Variants in KYNU observed in about 807,000 individuals in gnomAD.
The protein encoded by KYNU is L-kynurenine hydrolase.
Under a neutral mutation model 59.2 loss-of-function variants are expected in KYNU, and 54 were observed. The ratio of observed to expected loss-of-function variants is 0.91; its 90% CI spans 0.73 to 1.14. KYNU has a LOEUF of 1.14. Among genes scored for constraint, KYNU ranks in the 50% most tolerant of loss-of-function variants. The probability of loss-of-function intolerance (pLI) is 0.00; values close to 1 mark genes in which losing one functional copy is unlikely to be tolerated. For synonymous variants in KYNU, 177 were observed against 192.0 expected (o/e 0.92, Z 0.65); for missense variants, 567 against 554.4 (o/e 1.02, Z -0.23).
chr2:143,004,308 C>G (rs1685802821), intron 10 of KYNU, among the ~76,000 whole-genome samples: 1 of 152,204 alleles, frequency 6.6e-6, no homozygotes, highest in African/African-American at 2.4e-5. Context: ...CAGCTCTCTA[C>G]TGGTAGAAAG....
chr2:142,895,710 G>C (rs569988596), intron 2 of KYNU, among the ~76,000 whole-genome samples: 3 of 151,776 alleles, frequency 2.0e-5, no homozygotes, highest in African/African-American at 7.3e-5. Flanking sequence ...TTTTAGAAAA[G>C]GTCTTGCCCT....
At chr2:142,947,022 T>C (rs913694387) in intron 4 of KYNU, 3 of 1,542,308 alleles carry the variant, frequency 1.9e-6, no homozygotes, top group Non-Finnish European at 2.6e-6. Flanking sequence ...CATGGTACCC[T>C]TTTGTGGGCT....
At chr2:142,958,138 TTTTC>T (rs1684228758) in intron 7 of KYNU, 1 of 205,534 alleles carries the variant, frequency 4.9e-6, no homozygotes, top group African/African-American at 2.4e-5. Flanking sequence ...GTATCAAACA[TTTTC>T]TTTGTGTTTA....
Position 143,040,905 on chromosome 2 carries a change from T to C in KYNU, c.1272+247T>C, listed in dbSNP as rs1310016532. On this transcript the variant is annotated intron_variant, in intron 13 of 13. Transcript: ENST00000264170. ...GAATAGTTTTTTGTAACTTACTCATTCTTTTCATAACAGTTTGGGCAGAAA... is the reference window on the plus strand; with the variant it reads ...GAATAGTTTTTTGTAACTTACTCATCCTTTTCATAACAGTTTGGGCAGAAA... Among the ~76,000 whole-genome samples, 4 of 152,216 alleles carry C rather than the reference T, an allele frequency of 2.6e-5. No individual in the cohort carries two copies. In the South Asian group the frequency reaches 8.3e-4, roughly 32 times the overall value.
At chr2:142,978,499 T>G (rs1684953144) in intron 8 of KYNU, among the ~76,000 whole-genome samples, 1 of 152,144 alleles carries the variant, frequency 6.6e-6, no homozygotes, top group Non-Finnish European at 1.5e-5. Context: ...CATTAGCCTA[T>G]TAGAAGGTAC....
At chr2:142,925,868 C>T (rs1412515007) in intron 3 of KYNU, among the ~76,000 whole-genome samples, 1 of 152,216 alleles carries the variant, frequency 6.6e-6, no homozygotes, top group Non-Finnish European at 1.5e-5. Flanking sequence ...ACAAAAAGCA[C>T]ATTTTCATTC....
intron 4 of KYNU, among the ~76,000 whole-genome samples, chr2:142,954,269 G>C (rs1684090687): frequency 6.6e-6 from 1 of 152,008 alleles, no homozygotes; most frequent in Non-Finnish European, 1.5e-5. Context: ...CAGTGTGTAT[G>C]AATAAATGTC....
intron 10 of KYNU, chr2:142,989,454 A>G: frequency 1.0e-6 from 1 of 984,940 alleles, no homozygotes. Flanking sequence ...TTGATGTCAC[A>G]CTTTGTGAAG....
chr2:142,966,356 C>T (rs1243046330), intron 8 of KYNU, among the ~76,000 whole-genome samples: 1 of 152,154 alleles, frequency 6.6e-6, no homozygotes, highest in Non-Finnish European at 1.5e-5. Context: ...GTGTCCACAG[C>T]CTCTGTCTGG....
chr2:142,936,223 A>C (rs1189908655), intron 4 of KYNU, among the ~76,000 whole-genome samples: 2 of 152,240 alleles, frequency 1.3e-5, no homozygotes, highest in African/African-American at 4.8e-5. Context: ...CTGGACATAC[A>C]GAATTTCTCC....
chr2:142,983,400 C>T (rs1685104384), intron 8 of KYNU, among the ~76,000 whole-genome samples: 1 of 152,042 alleles, frequency 6.6e-6, no homozygotes. Flanking sequence ...TGGCTGATCC[C>T]AGTGGCTGAA....
At chr2:142,994,209 G>A (rs1685476705) in intron 10 of KYNU, among the ~76,000 whole-genome samples, 1 of 151,928 alleles carries the variant, frequency 6.6e-6, no homozygotes, top group Non-Finnish European at 1.5e-5. Context: ...GAAGTTTGTT[G>A]TAATAATCCA....
At chr2:142,934,933 T>A (rs1683337785) in intron 4 of KYNU, among the ~76,000 whole-genome samples, 1 of 152,198 alleles carries the variant, frequency 6.6e-6, no homozygotes, top group East Asian at 1.9e-4. Flanking sequence ...ATTGCCACAC[T>A]TGAAACAGGC....
chr2:143,020,654 T>C (rs578057899), intron 10 of KYNU, among the ~76,000 whole-genome samples: 1 of 152,308 alleles, frequency 6.6e-6, no homozygotes, highest in East Asian at 1.9e-4. Context: ...TTTGGTAGAC[T>C]ATAGTTTAAC....
rs550393129 is a variant in KYNU at position 143,052,203 on chromosome 2, T to G, written c.*10031T>G. ...GGGTATCTGGAGGAAGAAATTTTTA[T>G]GCAGCAAAGCATTCAAGAGGTGACT... On this transcript the variant is annotated 3_prime_UTR_variant, in exon 14 of 14. Coordinates refer to ENST00000264170, the MANE Select transcript of KYNU (RefSeq NM_003937.3). 2.0e-5 allele frequency: 3 copies of G among 152,642 alleles called. No homozygotes were observed. The highest frequency in any genetic ancestry group is 2.9e-5 in the Non-Finnish European group (2 of 68,312). The allele number at this position is 152,642 out of a possible 1,614,324, so 9.5% of individuals were successfully genotyped here. A position where few individuals can be genotyped will look rare whatever the true frequency, so the allele number is the denominator to read the frequency against.
chr2:143,029,613 T>G lies in KYNU; in HGVS notation c.903-14T>G, dbSNP rs374745416. On this transcript the variant is annotated splice_polypyrimidine_tract_variant and intron_variant, in intron 10 of 13. Coordinates refer to ENST00000264170, the MANE Select transcript of KYNU (RefSeq NM_003937.3). ...AAAACCCCCAAAAACCTAATGTTTTTATTTATATTTTAGATTAGTGGGATG... is the reference window on the plus strand; with the variant it reads ...AAAACCCCCAAAAACCTAATGTTTTGATTTATATTTTAGATTAGTGGGATG... 2.8e-5 allele frequency: 44 copies of G among 1,582,738 alleles called. No homozygotes were observed. The highest frequency in any genetic ancestry group is 1.0e-4 in the Admixed American group (6 of 59,954).
At chr2:142,889,868 C>A (rs1460349536) in intron 2 of KYNU, among the ~76,000 whole-genome samples, 2 of 151,652 alleles carry the variant, frequency 1.3e-5, no homozygotes, top group Non-Finnish European at 2.9e-5. Context: ...ATCACAACTC[C>A]CAATATGAGA....
Position 142,973,761 on chromosome 2 carries a change from C to T in KYNU, c.730-11323C>T, listed in dbSNP as rs143640610. On this transcript the variant is annotated intron_variant, in intron 8 of 13. Transcript: ENST00000264170. ...AGATGTATAATGACCTCTCATTTTA[C>T]GTCAGGCTCTGGGTTTAAAAAGAGA... 1.2e-3 allele frequency among the ~76,000 whole-genome samples: 186 copies of T among 152,198 alleles called. 2 individuals are homozygous for T. The South Asian group carries it at 0.015, about 12-fold the overall frequency.
intron 1 of KYNU, among the ~76,000 whole-genome samples, chr2:142,882,998 CCTGA>C (rs1681354218): frequency 2.0e-5 from 3 of 152,046 alleles, no homozygotes; most frequent in Admixed American, 2.0e-4. Context: ...CCTGTTGTTT[CCTGA>C]CTTTTTAATG....
Sources: gnomAD v4.1 joint callset for allele counts (sites outside exome capture counted in the v4.1 genomes callset) on GRCh38, gnomAD v4.1.1 for gene constraint, MANE v1.5 for transcripts, NCBI Gene and HGNC (gene_info 2026-07-23, HGNC 2026-07-21) for gene names.